Variants in CAST observed in about 807,000 individuals in gnomAD.
The protein encoded by CAST is calpastatin, also known as MIR583 host.
In CAST, 76 loss-of-function variants were observed where a neutral mutation model predicts 119.6. That is an observed-to-expected ratio of 0.64 (90% CI 0.53 to 0.77). CAST has a LOEUF of 0.77. Ranked by LOEUF, CAST falls within the 30% of genes least tolerant of loss-of-function variation. The pLI, the probability that CAST is intolerant of heterozygous loss-of-function variation, is 0.00. For synonymous variants in CAST, 319 were observed against 331.6 expected, an observed-to-expected ratio of 0.96 and a Z score of 0.41; for missense variants, 953 against 946.5, an observed-to-expected ratio of 1.01 and a Z score of -0.09.
At chr5:96,657,084 T>C (rs920435555), upstream of CAST, among the ~76,000 whole-genome samples, 5 of 152,118 alleles carry the variant, frequency 3.3e-5, no homozygotes, top group Non-Finnish European at 7.3e-5. Context: ...AAATATGTAA[T>C]GTGAAGTGAT....
chr5:96,340,183 G>A, the CAST span, among the ~76,000 whole-genome samples: 2 of 152,174 alleles, frequency 1.3e-5, no homozygotes, highest in Non-Finnish European at 2.9e-5. Context: ...TATTAAACAA[G>A]GATACACTCT....
At chr5:96,177,011 A>G in the CAST span, among the ~76,000 whole-genome samples, 1 of 152,190 alleles carries the variant, frequency 6.6e-6, no homozygotes, top group Non-Finnish European at 1.5e-5. Flanking sequence ...TCATGTCTTA[A>G]TGCATTTGCC....
rs779039274 is a variant in CAST, at chr5:96,773,027, G to C, written c.*411G>C. The C allele has an allele frequency of 3.3e-5, 5 of 153,722 alleles. No homozygotes were observed. Among genetic ancestry groups the C allele is most frequent in the Non-Finnish European group, 7.4e-5 (5 of 67,980 alleles). The allele number at this position is 153,722 out of a possible 1,614,324, so 9.5% of individuals were successfully genotyped here. A position where few individuals can be genotyped will look rare whatever the true frequency, so the allele number is the denominator to read the frequency against. On this transcript the variant is annotated 3_prime_UTR_variant, in exon 32 of 32. Coordinates refer to ENST00000675179, the MANE Select transcript of CAST (RefSeq NM_001750.7). The stretch of plus-strand genomic sequence containing the variant: ...AGTTTGCCCTTAATTTTTTTTGTTA[G>C]TGTTTAGAAAACAATGTTTTAAACA...
At chr5:96,433,199 G>A in the CAST span, 222 of 724,362 alleles carry the variant, frequency 3.1e-4, no homozygotes, top group African/African-American at 3.3e-3. Flanking sequence ...GAGAGGAGAG[G>A]CTGGGCGGCG....
At chr5:96,089,066 C>CTT in the CAST span, among the ~76,000 whole-genome samples, 46 of 117,680 alleles carry the variant, frequency 3.9e-4, no homozygotes, top group Non-Finnish European at 4.5e-4. Context: ...CTCCAAAAAT[C>CTT]TTTTTTTTTT....
the CAST span, among the ~76,000 whole-genome samples, chr5:96,186,447 C>T: frequency 2.6e-5 from 4 of 152,106 alleles, no homozygotes; most frequent in African/African-American, 9.7e-5. Flanking sequence ...GGAATGCTTC[C>T]AGTTTTTGCA....
At chr5:96,357,160 G>A in the CAST span, among the ~76,000 whole-genome samples, 1 of 152,130 alleles carries the variant, frequency 6.6e-6, no homozygotes. Context: ...AGGAATGCTT[G>A]TGATTTTTGC....
chr5:96,464,244 T>G, the CAST span, among the ~76,000 whole-genome samples: 1 of 152,080 alleles, frequency 6.6e-6, no homozygotes, highest in Non-Finnish European at 1.5e-5. Flanking sequence ...TTTAAAAAAC[T>G]TATCTTCCTT....
At chr5:96,062,670 A>C in the CAST span, among the ~76,000 whole-genome samples, 4 of 152,158 alleles carry the variant, frequency 2.6e-5, no homozygotes, top group Non-Finnish European at 5.9e-5. Flanking sequence ...CCTGGCAGGG[A>C]TAATTGGTCC....
chr5:95,999,774 C>T, the CAST span, among the ~76,000 whole-genome samples: 7 of 152,192 alleles, frequency 4.6e-5, no homozygotes, highest in East Asian at 7.7e-4. Flanking sequence ...ATACTTAGGG[C>T]GGAATTGCTG....
chr5:96,103,871 T>A, the CAST span, among the ~76,000 whole-genome samples: 1 of 151,572 alleles, frequency 6.6e-6, no homozygotes, highest in East Asian at 1.9e-4. Context: ...TGTTGTTTCC[T>A]GACTTTTTAA....
At chr5:96,344,817 G>C in the CAST span, among the ~76,000 whole-genome samples, 11 of 152,232 alleles carry the variant, frequency 7.2e-5, no homozygotes, top group South Asian at 4.2e-4. Flanking sequence ...AATTCCCCAG[G>C]CTGAATTATA....
At chr5:96,437,922 C>A in the CAST span, among the ~76,000 whole-genome samples, 1 of 152,272 alleles carries the variant, frequency 6.6e-6, no homozygotes, top group East Asian at 1.9e-4. Context: ...TATTATAAAA[C>A]CTTTCCTCAT....
At chr5:96,049,889 C>CAAAAAAAAAAAAAAAAAAA in the CAST span, among the ~76,000 whole-genome samples, 39 of 34,192 alleles carry the variant, frequency 1.1e-3, 2 homozygotes, top group African/African-American at 2.1e-3. Context: ...GAACAGGAGG[C>CAAAAAAAAAAAAAAAAAAA]AAAAAAAAAA....
the CAST span, among the ~76,000 whole-genome samples, chr5:96,057,452 T>C: frequency 6.6e-6 from 1 of 152,220 alleles, no homozygotes; most frequent in Non-Finnish European, 1.5e-5. Context: ...ATTGACTTCT[T>C]TCTTTCTCAT....
At chr5:95,982,499 A>C in the CAST span, among the ~76,000 whole-genome samples, 1 of 152,236 alleles carries the variant, frequency 6.6e-6, no homozygotes, top group African/African-American at 2.4e-5. Context: ...ACTCTTAACC[A>C]CTGTGTGATG....
the CAST span, among the ~76,000 whole-genome samples, chr5:96,360,957 G>A: frequency 6.6e-6 from 1 of 152,208 alleles, no homozygotes; most frequent in African/African-American, 2.4e-5. Context: ...CAGGTGCTGT[G>A]TCCCAGCCTA....
intron 1 of CAST, among the ~76,000 whole-genome samples, chr5:96,598,818 C>T (rs569938081): frequency 1.3e-5 from 2 of 152,306 alleles, no homozygotes; most frequent in African/African-American, 4.8e-5. Flanking sequence ...AACAAAAACA[C>T]TGACCCTCCC....
At chr5:96,595,675 G>C (rs1747040342) in intron 1 of CAST, among the ~76,000 whole-genome samples, 1 of 152,198 alleles carries the variant, frequency 6.6e-6, no homozygotes, top group Non-Finnish European at 1.5e-5. Flanking sequence ...GAATAAAGGA[G>C]AAGGCCACCT....
Sources: gnomAD v4.1 joint callset for allele counts (sites outside exome capture counted in the v4.1 genomes callset) on GRCh38, gnomAD v4.1.1 for gene constraint, MANE v1.5 for transcripts, NCBI Gene and HGNC (gene_info 2026-07-23, HGNC 2026-07-21) for gene names.